Variants in PALS2 observed in about 807,000 individuals in gnomAD.
The protein encoded by PALS2 is protein associated with LIN7 2, MAGUK p55 family member.
A neutral mutation model predicts 61.6 loss-of-function variants in PALS2; 27 were observed. That is an observed-to-expected ratio of 0.44 (90% CI 0.32 to 0.60). The LOEUF (loss-of-function observed/expected upper bound fraction) is 0.60, where lower values mean the gene tolerates loss of function less well. Among genes scored for constraint, PALS2 ranks in the 20% least tolerant of loss-of-function variants. PALS2 has a pLI of 0.05. For missense variants in PALS2, 554 were observed against 639.4 expected, an observed-to-expected ratio of 0.87 and a Z score of 1.44; for synonymous variants, 236 against 218.6, an observed-to-expected ratio of 1.08 and a Z score of -0.70.
chr7:24,601,311 A>G (rs1783712557), intron 1 of PALS2, among the ~76,000 whole-genome samples: 1 of 151,932 alleles, frequency 6.6e-6, no homozygotes, highest in South Asian at 2.1e-4. Context: ...ATTTTCTCAG[A>G]CTTCATTTAT....
At chr7:24,642,226 CT>C (rs1583929315) in intron 3 of PALS2, among the ~76,000 whole-genome samples, 2 of 152,116 alleles carry the variant, frequency 1.3e-5, no homozygotes, top group East Asian at 3.9e-4. Context: ...TTAGTCAATA[CT>C]TTTTAGTATT....
chr7:24,634,803 T>C (rs997279207), intron 2 of PALS2, among the ~76,000 whole-genome samples: 2 of 152,206 alleles, frequency 1.3e-5, no homozygotes, highest in Admixed American at 1.3e-4. Context: ...CAAATGGTGT[T>C]TCAGCACCAT....
At chr7:24,623,845 T>A in intron 2 of PALS2, 61 bp downstream of exon 2, 5 of 1,236,012 alleles carry the variant, frequency 4.0e-6, no homozygotes, top group Non-Finnish European at 5.7e-6. Flanking sequence ...ATAGAGATAT[T>A]TTCAGATATT....
chr7:24,597,436 C>T (rs1485623344), intron 1 of PALS2, among the ~76,000 whole-genome samples: 1 of 151,980 alleles, frequency 6.6e-6, no homozygotes, highest in African/African-American at 2.4e-5. Context: ...GGAAAGATAA[C>T]GCATAATACA....
intron 1 of PALS2, among the ~76,000 whole-genome samples, chr7:24,590,673 G>T (rs1385472014): frequency 6.6e-6 from 1 of 152,076 alleles, no homozygotes; most frequent in Non-Finnish European, 1.5e-5. Flanking sequence ...TCAGCTTCAT[G>T]TGGGAAGGTC....
intron 9 of PALS2, chr7:24,674,410 C>T (rs1218248435): frequency 1.3e-5 from 2 of 153,224 alleles, no homozygotes; most frequent in Non-Finnish European, 2.9e-5. Flanking sequence ...CTTCAGTGCT[C>T]ACCACAGTGC....
At chr7:24,642,566 T>A (rs554508472) in intron 3 of PALS2, among the ~76,000 whole-genome samples, 2 of 152,234 alleles carry the variant, frequency 1.3e-5, no homozygotes, top group South Asian at 4.1e-4. Context: ...GACACTGCAT[T>A]TTCGTGGAAA....
At chr7:24,646,814 T>C (rs1785855643) in intron 3 of PALS2, among the ~76,000 whole-genome samples, 1 of 152,202 alleles carries the variant, frequency 6.6e-6, no homozygotes, top group Non-Finnish European at 1.5e-5. Flanking sequence ...TATTTATTAC[T>C]GATTCAATTT....
rs1437683805 is a variant in PALS2, at chr7:24,687,616, G to C, written c.*2G>C. On this transcript the variant is annotated 3_prime_UTR_variant, in exon 12 of 12. Coordinates refer to ENST00000222644, the MANE Select transcript of PALS2 (RefSeq NM_001303037.2). The surrounding 1 kb of genome is among the most constrained non-coding windows in gnomAD (Gnocchi z 4.5). ...GTCCCAATCAGCTGGGTTTACTGAT[G>C]ATTCAGTAAGGTTAACAATGAAAAT... 2 of 1,596,044 alleles carry C rather than the reference G, an allele frequency of 1.3e-6. No individual in the cohort carries two copies. The highest frequency in any genetic ancestry group is 2.3e-5 in the South Asian group (2 of 86,832).
intron 9 of PALS2, among the ~76,000 whole-genome samples, chr7:24,675,405 T>G (rs1455657145): frequency 1.3e-5 from 2 of 151,734 alleles, no homozygotes; most frequent in African/African-American, 2.4e-5. Context: ...CTCTTATTAT[T>G]ATACTTTTAA....
At chr7:24,648,819 C>G (rs984272451) in intron 3 of PALS2, among the ~76,000 whole-genome samples, 7 of 150,434 alleles carry the variant, frequency 4.7e-5, no homozygotes, top group African/African-American at 1.7e-4. Context: ...GCAGGAGAAT[C>G]ACTTGAACCC....
At chr7:24,627,743 C>T (rs1397473076) in intron 2 of PALS2, among the ~76,000 whole-genome samples, 1 of 152,124 alleles carries the variant, frequency 6.6e-6, no homozygotes, top group Non-Finnish European at 1.5e-5. Context: ...AAACACCTCT[C>T]TGCCAATAAA....
At chr7:24,645,968 G>T (rs1478041384) in intron 3 of PALS2, among the ~76,000 whole-genome samples, 1 of 152,084 alleles carries the variant, frequency 6.6e-6, no homozygotes, top group Non-Finnish European at 1.5e-5. Context: ...CATTGATTTT[G>T]TATCCTGCAA....
chr7:24,672,893 C>T (rs982713464), intron 9 of PALS2, among the ~76,000 whole-genome samples: 31 of 152,044 alleles, frequency 2.0e-4, no homozygotes, highest in Admixed American at 1.3e-4. Flanking sequence ...CTGTTTATGT[C>T]GTTGTCTTGT....
chr7:24,605,921 C>T (rs955360391), intron 1 of PALS2, among the ~76,000 whole-genome samples: 5 of 152,044 alleles, frequency 3.3e-5, no homozygotes, highest in African/African-American at 1.2e-4. Flanking sequence ...ATTAAGCACC[C>T]TTATATAAAA....
At chr7:24,599,230 C>T (rs899180109) in intron 1 of PALS2, among the ~76,000 whole-genome samples, 1 of 152,142 alleles carries the variant, frequency 6.6e-6, no homozygotes, top group Non-Finnish European at 1.5e-5. Flanking sequence ...ACATTTTACA[C>T]TTGTGGCTTA....
chr7:24,607,527 GTGTGTATATATACACGTGTATATATGTA>G (rs1487106129), intron 1 of PALS2, among the ~76,000 whole-genome samples: 1 of 151,142 alleles, frequency 6.6e-6, no homozygotes, highest in East Asian at 1.9e-4. Flanking sequence ...GTATATATGT[GTGTGTATATATACACGTGTATATATGTA>G]TGTGTATATA....
At chr7:24,666,411 A>G (rs1313460935) in intron 8 of PALS2, among the ~76,000 whole-genome samples, 1 of 152,162 alleles carries the variant, frequency 6.6e-6, no homozygotes, top group Non-Finnish European at 1.5e-5. Context: ...TTTATGTGCC[A>G]TTTCTAAAGG....
At chr7:24,654,251 C>T (rs1337154526) in intron 5 of PALS2, among the ~76,000 whole-genome samples, 1 of 150,474 alleles carries the variant, frequency 6.6e-6, no homozygotes, top group African/African-American at 2.4e-5. Context: ...CTCACTAGCA[C>T]CACTTATATT....
Sources: allele counts gnomAD v4.1 joint callset (sites outside exome capture counted in the v4.1 genomes callset), GRCh38; gene constraint gnomAD v4.1.1; non-coding constraint Gnocchi (gnomAD v3.1); transcripts MANE v1.5; gene names NCBI Gene and HGNC (gene_info 2026-07-23, HGNC 2026-07-21).